Variants in SLC24A2 observed in about 807,000 individuals in gnomAD.
SLC24A2 encodes the protein sodium/potassium/calcium exchanger 2.
In SLC24A2, 36 loss-of-function variants were observed where a neutral mutation model predicts 62.0. That is an observed-to-expected ratio of 0.58 (90% CI 0.44 to 0.77). SLC24A2 has a LOEUF of 0.77. Ranked by LOEUF, SLC24A2 falls within the 30% of genes least tolerant of loss-of-function variation. The probability of loss-of-function intolerance (pLI) is 0.00; values close to 1 mark genes in which losing one functional copy is unlikely to be tolerated. For synonymous variants in SLC24A2, 358 were observed against 294.0 expected (o/e 1.22, Z -2.23); for missense variants, 846 against 817.9 (o/e 1.03, Z -0.42).
chr9:19,906,649 A>G, the SLC24A2 span, among the ~76,000 whole-genome samples: 3 of 152,200 alleles, frequency 2.0e-5, no homozygotes, highest in African/African-American at 7.2e-5. Context: ...AGGGGATATC[A>G]CCACCGATCC....
chr9:19,858,050 A>G, the SLC24A2 span, among the ~76,000 whole-genome samples: 2 of 152,230 alleles, frequency 1.3e-5, no homozygotes, highest in Non-Finnish European at 2.9e-5. Context: ...TAGCCAAGGC[A>G]ATCCTAAGCC....
the SLC24A2 span, among the ~76,000 whole-genome samples, chr9:20,269,558 C>T: frequency 2.0e-5 from 3 of 152,168 alleles, no homozygotes; most frequent in Non-Finnish European, 2.9e-5. Flanking sequence ...CCAGCAGCTC[C>T]GTTTCATCTG....
At chr9:19,536,204 ATTT>A (rs1366228562) in intron 8 of SLC24A2, among the ~76,000 whole-genome samples, 1 of 129,824 alleles carries the variant, frequency 7.7e-6, no homozygotes, top group Non-Finnish European at 1.7e-5. Flanking sequence ...TTATTTATTT[ATTT>A]TTTTTTATTA....
chr9:20,099,265 T>G, the SLC24A2 span, among the ~76,000 whole-genome samples: 2 of 152,222 alleles, frequency 1.3e-5, no homozygotes, highest in Admixed American at 1.3e-4. Flanking sequence ...GAGAAAGTAC[T>G]TGATAATGTC....
the SLC24A2 span, among the ~76,000 whole-genome samples, chr9:20,014,327 CA>C: frequency 1.3e-5 from 2 of 151,792 alleles, no homozygotes; most frequent in African/African-American, 4.8e-5. Flanking sequence ...AGACAGTCCT[CA>C]AAAGCTAAAA....
chr9:20,020,265 T>G, the SLC24A2 span, among the ~76,000 whole-genome samples: 1 of 152,212 alleles, frequency 6.6e-6, no homozygotes, highest in Non-Finnish European at 1.5e-5. Flanking sequence ...TAAAGACACA[T>G]GCACAAATAT....
At chr9:19,654,063 T>G (rs574636393) in intron 2 of SLC24A2, among the ~76,000 whole-genome samples, 1 of 152,174 alleles carries the variant, frequency 6.6e-6, no homozygotes, top group Non-Finnish European at 1.5e-5. Context: ...TCAAAGAAGT[T>G]TCTCCATGGC....
At chr9:19,693,305 G>T (rs577735441) in intron 2 of SLC24A2, among the ~76,000 whole-genome samples, 1 of 152,038 alleles carries the variant, frequency 6.6e-6, no homozygotes, top group Non-Finnish European at 1.5e-5. Flanking sequence ...TCCATCAATG[G>T]TTTGTCTATC....
the SLC24A2 span, among the ~76,000 whole-genome samples, chr9:19,995,168 G>C: frequency 6.6e-6 from 1 of 151,162 alleles, no homozygotes; most frequent in Admixed American, 6.6e-5. Context: ...ACATAAACTT[G>C]CAACAAATAT....
the SLC24A2 span, among the ~76,000 whole-genome samples, chr9:20,297,148 G>A: frequency 1.3e-5 from 2 of 152,276 alleles, no homozygotes; most frequent in South Asian, 4.1e-4. Context: ...GGGAGAGCAA[G>A]GATTCAAACC....
chr9:19,784,236 C>A (rs1823095552), intron 2 of SLC24A2, among the ~76,000 whole-genome samples: 1 of 152,182 alleles, frequency 6.6e-6, no homozygotes. Flanking sequence ...TTCTAAAACG[C>A]ATGAAAGCAT....
chr9:19,696,061 G>A (rs1820182910), intron 2 of SLC24A2, among the ~76,000 whole-genome samples: 1 of 152,174 alleles, frequency 6.6e-6, no homozygotes, highest in African/African-American at 2.4e-5. Context: ...ATTACTGCCT[G>A]AGCTTTGTCT....
intron 2 of SLC24A2, among the ~76,000 whole-genome samples, chr9:19,692,138 T>C (rs1302373831): frequency 6.6e-6 from 1 of 152,194 alleles, no homozygotes; most frequent in Non-Finnish European, 1.5e-5. Flanking sequence ...ACTTATGTCA[T>C]AGATGAATGG....
chr9:19,943,629 GGA>G, the SLC24A2 span, among the ~76,000 whole-genome samples: 1 of 152,130 alleles, frequency 6.6e-6, no homozygotes, highest in Non-Finnish European at 1.5e-5. Context: ...AAAATAATTA[GGA>G]GAGCACTTTG....
At chr9:19,977,306 C>A in the SLC24A2 span, among the ~76,000 whole-genome samples, 2 of 152,086 alleles carry the variant, frequency 1.3e-5, no homozygotes, top group Non-Finnish European at 2.9e-5. Flanking sequence ...AATGCACAGA[C>A]ATTTCAATGA....
At chr9:19,961,139 GGGA>G in the SLC24A2 span, among the ~76,000 whole-genome samples, 2 of 57,168 alleles carry the variant, frequency 3.5e-5, no homozygotes, top group Admixed American at 3.6e-4. Context: ...CAGAAGAAAG[GGGA>G]GAGAGAGAGA....
At chr9:20,121,078 T>C in the SLC24A2 span, among the ~76,000 whole-genome samples, 5 of 148,980 alleles carry the variant, frequency 3.4e-5, no homozygotes, top group African/African-American at 1.2e-4. Context: ...TTGTTGTTCT[T>C]TCTCAGTCTT....
the SLC24A2 span, among the ~76,000 whole-genome samples, chr9:20,186,966 T>G: frequency 6.6e-6 from 1 of 152,188 alleles, no homozygotes; most frequent in Non-Finnish European, 1.5e-5. Context: ...CTTGTCCCTA[T>G]GCACACTCTC....
chr9:19,886,931 A>T, the SLC24A2 span, among the ~76,000 whole-genome samples: 2 of 152,112 alleles, frequency 1.3e-5, no homozygotes, highest in Non-Finnish European at 2.9e-5. Context: ...CAGCCATTAT[A>T]CTCAGCAAAC....
Sources: allele counts gnomAD v4.1 joint callset (sites outside exome capture counted in the v4.1 genomes callset), GRCh38; gene constraint gnomAD v4.1.1; transcripts MANE v1.5; gene names NCBI Gene and HGNC (gene_info 2026-07-23, HGNC 2026-07-21).